CDK12: variants seen among roughly 807,000 people sequenced by gnomAD.
The protein encoded by CDK12 is cyclin dependent kinase 12.
Under a neutral mutation model 133.8 loss-of-function variants are expected in CDK12, and 17 were observed. The observed-to-expected ratio is 0.13, with a 90% CI of 0.09 to 0.19. The LOEUF is 0.19. Ranked by LOEUF, CDK12 falls within the 10% of genes least tolerant of loss-of-function variation. The pLI is 1.00. For missense variants in CDK12, 1,508 were observed against 1,818.7 expected, an observed-to-expected ratio of 0.83 and a Z score of 3.11; for synonymous variants, 694 against 683.6, an observed-to-expected ratio of 1.02 and a Z score of -0.24.
At chr17:39,536,056 A>G (rs1230099899), downstream of CDK12, among the ~76,000 whole-genome samples, 1 of 152,100 alleles carries the variant, frequency 6.6e-6, no homozygotes, top group African/African-American at 2.4e-5. Flanking sequence ...CAGTGTTCCT[A>G]ATTAGGAATT....
chr17:39,476,711 CT>C lies in CDK12; in HGVS notation c.1931+4977del, dbSNP rs879840168. Among the ~76,000 whole-genome samples the C allele has an allele frequency of 6.6e-4, 56 of 84,522 alleles. 11 individuals carry two copies. Among genetic ancestry groups the C allele is most frequent in the Admixed American group, 1.1e-3 (7 of 6,120 alleles). The allele number at this position is 84,522 out of a possible 152,430, so 55.4% of individuals were successfully genotyped here. A position where few individuals can be genotyped will look rare whatever the true frequency, so the allele number is the denominator to read the frequency against. ...TACAGGCATGAGCCACCATGCCTGC[CT>C]TTTTTTTTTTTTTTTTTTTTTTTTT... is the stretch of plus-strand genomic sequence containing the variant. On this transcript the variant is annotated intron_variant, in intron 2 of 13. Coordinates refer to ENST00000447079, the MANE Select transcript of CDK12 (RefSeq NM_016507.4).
Position 39,462,265 on chromosome 17 carries a change from C to T in CDK12, c.194C>T (p.Thr65Ile), listed in dbSNP as rs1361221992. ...LVTPEAASLG[T>I]VIKPLVEYDD... is the part of the protein sequence containing the mutation. ...ACCCCCGAAGCAGCATCCCTGGGCA[C>T]AGTTATCAAACCTTTGGTGGAGTAT... The change falls in exon 1 of 14, where the codon ACA becomes ATA. Residue 65 changes from threonine (T) to isoleucine (I), a missense_variant. Physicochemically the swap from Thr to Ile is moderately conservative, Grantham distance 89. This residue lies in a region of CDK12 where 460 missense variants were observed against 490.8 expected (regional missense o/e 0.94). Coordinates refer to ENST00000447079, the MANE Select transcript of CDK12 (RefSeq NM_016507.4). 2 of 1,614,184 alleles carry T rather than the reference C, an allele frequency of 1.2e-6. No individual in the cohort carries two copies. The highest frequency in any genetic ancestry group is 1.7e-6 in the Non-Finnish European group (2 of 1,180,038).
chr17:39,520,755 G>A (rs2054114828), intron 11 of CDK12, among the ~76,000 whole-genome samples: 1 of 151,960 alleles, frequency 6.6e-6, no homozygotes, highest in Non-Finnish European at 1.5e-5. Flanking sequence ...CCACCTCCCG[G>A]GTTCTAGCGA....
At chr17:39,539,725 CTA>C (rs2055320452) in intron 1 of CDK12, among the ~76,000 whole-genome samples, 1 of 151,970 alleles carries the variant, frequency 6.6e-6, no homozygotes, top group African/African-American at 2.4e-5. Context: ...TAATATAAAA[CTA>C]TTATAATAAG....
chr17:39,540,425 C>T (rs2055354102), intron 1 of CDK12, among the ~76,000 whole-genome samples: 2 of 152,346 alleles, frequency 1.3e-5, no homozygotes, highest in South Asian at 4.1e-4. Flanking sequence ...AGATGATAAC[C>T]TGCATGCACC....
Position 39,476,847 on chromosome 17 carries a change from G to A in CDK12, c.1931+5084G>A, listed in dbSNP as rs1006638203. On this transcript the variant is annotated intron_variant, in intron 2 of 13. Transcript: ENST00000447079. The stretch of plus-strand genomic sequence containing the variant: ...AGCGATTCTCCTGCCTTAGCCTCCT[G>A]AGTAGCTTGGATTACGGGTGCCCAC... Among the ~76,000 whole-genome samples, 14 of 148,832 alleles carry A rather than the reference G, an allele frequency of 9.4e-5. No individual in the cohort carries two copies. The Admixed American group carries it at 9.6e-4, about 10-fold the overall frequency.
At chr17:39,512,047 TG>T (rs1327955158) in intron 8 of CDK12, among the ~76,000 whole-genome samples, 2 of 152,224 alleles carry the variant, frequency 1.3e-5, no homozygotes, top group East Asian at 3.9e-4. Flanking sequence ...TGTATCCTTG[TG>T]ATGATATATA....
At chr17:39,549,023 A>G (rs1482395583), upstream of CDK12, 2 of 152,228 alleles carry the variant, frequency 1.3e-5, no homozygotes, top group Non-Finnish European at 2.9e-5. Flanking sequence ...AAAATCTCCA[A>G]TTAGCGTTAA....
upstream of CDK12, chr17:39,546,885 G>A (rs1426493493): frequency 2.0e-5 from 3 of 152,142 alleles, no homozygotes; most frequent in South Asian, 2.1e-4. Flanking sequence ...GTATGTCTTC[G>A]TAACTTCCAG....
chr17:39,494,597 A>G lies in CDK12; in HGVS notation c.2322A>G (p.Glu774=), dbSNP rs2051917856. The G allele has an allele frequency of 1.9e-6, 3 of 1,613,660 alleles. No individual in the cohort carries two copies. Among genetic ancestry groups the G allele is most frequent in the Admixed American group, 1.7e-5 (1 of 59,964 alleles). Reference sequence around the variant, plus strand: ...GCTTCCCAATCACAGCCATTCGTGAAATCAAAATCCTTCGTCAGTTAATCC... The same window carrying G: ...GCTTCCCAATCACAGCCATTCGTGAGATCAAAATCCTTCGTCAGTTAATCC... The part of the protein sequence containing the change: ...KEGFPITAIR[E]IKILRQLIHR... The change falls in exon 5 of 14, where the codon GAA becomes GAG. Residue 774 remains glutamate, a synonymous_variant. Transcript: ENST00000447079.
intron 5 of CDK12, among the ~76,000 whole-genome samples, chr17:39,495,817 A>G (rs1000812278): frequency 4.0e-5 from 6 of 151,398 alleles, no homozygotes; most frequent in African/African-American, 1.5e-4. Context: ...AAAAGATGGT[A>G]GTAATTTATC....
intron 5 of CDK12, 53 bp from the exon 6 acceptor site, chr17:39,501,197 T>C (rs750863783): frequency 4.2e-5 from 55 of 1,317,666 alleles, no homozygotes; most frequent in Non-Finnish European, 5.2e-5. Context: ...GGCATTGTTA[T>C]TTCAGCATTC....
chr17:39,468,117 A>G (rs1365925204), intron 1 of CDK12, among the ~76,000 whole-genome samples: 1 of 77,558 alleles, frequency 1.3e-5, no homozygotes, highest in Non-Finnish European at 3.3e-5. Flanking sequence ...GCTGGTCTCA[A>G]ACTCTTGATC....
chr17:39,525,224 G>C (rs2054424234), intron 12 of CDK12, among the ~76,000 whole-genome samples: 1 of 152,096 alleles, frequency 6.6e-6, no homozygotes, highest in Non-Finnish European at 1.5e-5. Context: ...TTGGAGCCTT[G>C]TTTATATTAG....
rs1280642784 is a variant in CDK12, at chr17:39,531,357, A to C, written c.*41A>C. 7.2e-7 allele frequency: 1 copy of C among 1,395,766 alleles called. No individual in the cohort carries two copies. Among genetic ancestry groups the C allele is most frequent in the East Asian group, 2.6e-5 (1 of 39,040 alleles). 86.5% of individuals were successfully genotyped at this position (1,395,766 alleles called of 1,614,324 possible). A position where few individuals can be genotyped will look rare whatever the true frequency, so the allele number is the denominator to read the frequency against. On this transcript the variant is annotated 3_prime_UTR_variant, in exon 14 of 14. Transcript: ENST00000447079. ...GTCCTGAAAGATTCCTTTCCTATCC[A>C]TCCTTCCATCCAGTTCTCTGAATCT... is the stretch of plus-strand genomic sequence containing the variant.
chr17:39,544,613 G>A (rs1469893100), upstream of CDK12, among the ~76,000 whole-genome samples: 2 of 149,604 alleles, frequency 1.3e-5, no homozygotes, highest in Non-Finnish European at 1.5e-5. Flanking sequence ...GAGTAGCTGG[G>A]TAACAGGCGA....
At chr17:39,554,704 C>T (rs761113420) in intron 2 of CDK12, among the ~76,000 whole-genome samples, 30 of 151,710 alleles carry the variant, frequency 2.0e-4, no homozygotes, top group African/African-American at 3.4e-4. Context: ...CATGGTGAAA[C>T]GCCGTCTCTA....
chr17:39,493,803 T>G (rs1034897717), intron 4 of CDK12, among the ~76,000 whole-genome samples: 2 of 151,994 alleles, frequency 1.3e-5, no homozygotes, highest in Non-Finnish European at 2.9e-5. Flanking sequence ...GAGACCATCC[T>G]GGCTAACATG....
intron 6 of CDK12, among the ~76,000 whole-genome samples, chr17:39,509,181 C>G (rs545642693): frequency 1.3e-5 from 2 of 152,146 alleles, no homozygotes; most frequent in Admixed American, 1.3e-4. Context: ...AACTGGGTTT[C>G]TTTGCTTGTT....
Sources: gnomAD v4.1 joint callset for allele counts (sites outside exome capture counted in the v4.1 genomes callset) on GRCh38, gnomAD v4.1.1 for gene constraint, gnomAD v4.1.1 regional missense constraint, MANE v1.5 for transcripts, NCBI Gene and HGNC (gene_info 2026-07-23, HGNC 2026-07-21) for gene names.